The following PTAFR variants were observed in gnomAD, a reference collection of about 807,000 sequenced individuals.
PTAFR encodes platelet-activating factor receptor.
PTAFR carries 8 observed loss-of-function variants against 14.7 expected under a neutral mutation model. The observed-to-expected ratio is 0.54, with a 90% CI of 0.32 to 0.98. The LOEUF (loss-of-function observed/expected upper bound fraction) is 0.98. Among genes scored for constraint, PTAFR ranks in the 50% least tolerant of loss-of-function variants. The pLI is 0.04. For synonymous variants in PTAFR, 156 were observed against 176.5 expected (o/e 0.88, Z 0.92); for missense variants, 337 against 451.2 (o/e 0.75, Z 2.29).
rs768734431 is a variant in PTAFR at position 28,150,540 on chromosome 1, A to G, written c.482T>C (p.Val161Ala). 3 of 1,614,188 alleles carry G rather than the reference A, an allele frequency of 1.9e-6. No homozygotes were observed. The highest frequency in any genetic ancestry group is 4.5e-5 in the East Asian group (2 of 44,880). ...GTTGCCTGAGCCAGCACTGTCGGGCACTGTGTTGGTGGAGTCCAGGATGAG... is the reference window on the plus strand; with the variant it reads ...GTTGCCTGAGCCAGCACTGTCGGGCGCTGTGTTGGTGGAGTCCAGGATGAG... ...YFLILDSTNT[V>A]PDSAGSGNVT... Residue 161 changes from valine to alanine, a missense_variant, in exon 2 of 2, where the codon GTG becomes GCG. Physicochemically the swap from Val to Ala is moderately conservative, Grantham distance 64. Transcript: ENST00000373857. The surrounding 1 kb of genome is among the most constrained non-coding windows in gnomAD (Gnocchi z 6.3).
At chr1:28,170,716 A>G (rs1646443591) in intron 1 of PTAFR, among the ~76,000 whole-genome samples, 1 of 147,338 alleles carries the variant, frequency 6.8e-6, no homozygotes, top group Admixed American at 6.8e-5. Flanking sequence ...AAATAAAAAT[A>G]AGGGCCCGGC....
chr1:28,182,584 C>A (rs1036437233), intron 1 of PTAFR, among the ~76,000 whole-genome samples: 3 of 150,874 alleles, frequency 2.0e-5, no homozygotes, highest in Non-Finnish European at 3.0e-5. Flanking sequence ...CAGAGTGAGA[C>A]CCTGTCTCTT....
In PTAFR at chr1:28,168,959, C is replaced by T. The variant is rs902840151; in HGVS notation, c.-39+7633G>A. ...CTGGGATTACCAGCATGAGCCACTG[C>T]GCCCAGCCAAGTTGAAAACATTCTA... On this transcript the variant is annotated intron_variant, in intron 1 of 1. Transcript: ENST00000373857. 3.4e-4 allele frequency among the ~76,000 whole-genome samples: 51 copies of T among 151,998 alleles called. 1 individual carries two copies. Among genetic ancestry groups the T allele is most frequent in the African/African-American group, 1.1e-3 (46 of 41,372 alleles).
At chr1:28,174,141 A>G (rs1215017377) in intron 1 of PTAFR, among the ~76,000 whole-genome samples, 1 of 152,058 alleles carries the variant, frequency 6.6e-6, no homozygotes, top group African/African-American at 2.4e-5. Flanking sequence ...GGAGCCCAAG[A>G]GGGGGTGGTC....
At chr1:28,166,217 C>A (rs901605320) in intron 1 of PTAFR, among the ~76,000 whole-genome samples, 1 of 152,108 alleles carries the variant, frequency 6.6e-6, no homozygotes, top group African/African-American at 2.4e-5. Flanking sequence ...AAAGAATAGT[C>A]CCTTCAACGA....
In PTAFR at chr1:28,174,340, A is replaced by G. The variant is rs550262414; in HGVS notation, c.-39+2252T>C. Among the ~76,000 whole-genome samples the G allele has an allele frequency of 1.3e-5, 2 of 152,126 alleles. 1 individual carries two copies. The highest frequency in any genetic ancestry group is 4.2e-4 in the South Asian group (2 of 4,806). On this transcript the variant is annotated intron_variant, in intron 1 of 1. Coordinates refer to ENST00000373857, the MANE Select transcript of PTAFR (RefSeq NM_000952.5). ...GGAAAGTGGGGGATGCCACCAAGAA[A>G]GAGAATGCCATCCTCTTCAACAAGG...
intron 1 of PTAFR, among the ~76,000 whole-genome samples, chr1:28,165,033 A>T (rs1646367128): frequency 6.6e-6 from 1 of 152,198 alleles, no homozygotes; most frequent in South Asian, 2.1e-4. Flanking sequence ...AGATTTTTAT[A>T]TGGACTAAGA....
At chr1:28,154,836 G>T (rs141599085) in intron 1 of PTAFR, among the ~76,000 whole-genome samples, 6 of 149,768 alleles carry the variant, frequency 4.0e-5, no homozygotes, top group African/African-American at 1.5e-4. Context: ...AAAAAAGTGG[G>T]GGGGGAGGGA....
chr1:28,158,697 TA>T (rs957194987), intron 1 of PTAFR, among the ~76,000 whole-genome samples: 50 of 146,286 alleles, frequency 3.4e-4, no homozygotes, highest in East Asian at 6.0e-4. Flanking sequence ...GACTCCATCT[TA>T]AAAAAAAAAA....
upstream of PTAFR, among the ~76,000 whole-genome samples, chr1:28,180,874 C>T (rs2149006066): frequency 6.6e-6 from 1 of 150,788 alleles, no homozygotes; most frequent in Admixed American, 6.6e-5. Flanking sequence ...AGGATGGATA[C>T]AGAGTATGAA....
chr1:28,168,104 G>A (rs188841239), intron 1 of PTAFR, among the ~76,000 whole-genome samples: 6 of 148,390 alleles, frequency 4.0e-5, no homozygotes, highest in South Asian at 2.2e-4. Flanking sequence ...GACTACAGGT[G>A]CCCGCCACCA....
At chr1:28,167,382 G>T (rs1646397268) in intron 1 of PTAFR, among the ~76,000 whole-genome samples, 2 of 152,156 alleles carry the variant, frequency 1.3e-5, no homozygotes. Flanking sequence ...GATCATCAGA[G>T]AAATGCAAAT....
At chr1:28,169,462 T>A (rs1224653878) in intron 1 of PTAFR, among the ~76,000 whole-genome samples, 4 of 152,188 alleles carry the variant, frequency 2.6e-5, no homozygotes, top group Non-Finnish European at 5.9e-5. Context: ...ATCTCTTTCA[T>A]CAAGCGAAAT....
intron 1 of PTAFR, among the ~76,000 whole-genome samples, chr1:28,168,261 G>GC (rs1431169379): frequency 2.0e-5 from 3 of 151,312 alleles, no homozygotes; most frequent in Non-Finnish European, 2.9e-5. Context: ...GTGAGCCACC[G>GC]CGCCCGGCAG....
chr1:28,161,135 C>T (rs1222767031), intron 1 of PTAFR, among the ~76,000 whole-genome samples: 1 of 152,186 alleles, frequency 6.6e-6, no homozygotes, highest in African/African-American at 2.4e-5. Flanking sequence ...CCAAGTAGCT[C>T]TTTCTAAGAC....
intron 1 of PTAFR, among the ~76,000 whole-genome samples, chr1:28,186,880 G>A (rs886328729): frequency 3.5e-4 from 53 of 152,144 alleles, no homozygotes; most frequent in South Asian, 8.3e-4. Flanking sequence ...AGCCGAGATC[G>A]TGCCATTGCA....
intron 1 of PTAFR, among the ~76,000 whole-genome samples, chr1:28,192,724 G>A (rs61786982): frequency 0.33 from 50,105 of 150,982 alleles, 9,036 homozygotes; most frequent in African/African-American, 0.46. Context: ...TCAGCTCACC[G>A]TAACCTCCGC....
chr1:28,169,875 C>G (rs1646433016), intron 1 of PTAFR, among the ~76,000 whole-genome samples: 2 of 152,112 alleles, frequency 1.3e-5, no homozygotes, highest in Admixed American at 1.3e-4. Context: ...TGGTGCATGC[C>G]TGTAATCCCA....
chr1:28,152,164 T>C (rs1482755354), intron 1 of PTAFR, among the ~76,000 whole-genome samples: 1 of 152,130 alleles, frequency 6.6e-6, no homozygotes, highest in Non-Finnish European at 1.5e-5. Flanking sequence ...CCCAAAGTGC[T>C]GGGATTACAG....
Sources: gnomAD v4.1 joint callset for allele counts (sites outside exome capture counted in the v4.1 genomes callset) on GRCh38, gnomAD v4.1.1 for gene constraint, Gnocchi (gnomAD v3.1) non-coding constraint, MANE v1.5 for transcripts, NCBI Gene and HGNC (gene_info 2026-07-23, HGNC 2026-07-21) for gene names.